FCHSD1: variants seen among roughly 807,000 people sequenced by gnomAD.
The protein encoded by FCHSD1 is F-BAR and double SH3 domains protein 1.
In FCHSD1, 109 loss-of-function variants were observed where a neutral mutation model predicts 101.3. That is an observed-to-expected ratio of 1.08 (90% CI 0.92 to 1.26). FCHSD1 has a LOEUF of 1.26. Ranked by LOEUF, FCHSD1 falls within the 50% of genes most tolerant of loss-of-function variation. The pLI is 0.00. For missense variants in FCHSD1, 820 were observed against 895.8 expected (o/e 0.92, Z 1.08); for synonymous variants, 291 against 356.8 (o/e 0.82, Z 2.08).
In FCHSD1 at chr5:141,640,155, C is replaced by G; in HGVS notation, c.*1343G>C. Reference sequence around the variant, plus strand: ...GAATGGAGGACTCAGGGACAGCAGCCTAACCCCTCGTGCACTTGAAGGGAA... The same window carrying G: ...GAATGGAGGACTCAGGGACAGCAGCGTAACCCCTCGTGCACTTGAAGGGAA... On this transcript the variant is annotated 3_prime_UTR_variant, in exon 20 of 20. Transcript: ENST00000435817. The G allele has an allele frequency of 1.9e-6, 3 of 1,614,166 alleles. No individual in the cohort carries two copies. Among genetic ancestry groups the G allele is most frequent in the Non-Finnish European group, 2.5e-6 (3 of 1,180,008 alleles).
At chr5:141,648,321 C>A (rs251041) in intron 7 of FCHSD1, among the ~76,000 whole-genome samples, 1 of 152,098 alleles carries the variant, frequency 6.6e-6, no homozygotes, top group Non-Finnish European at 1.5e-5. Context: ...TGGTCCACCA[C>A]GTTCAATATG....
chr5:141,642,564 C>T, intron 18 of FCHSD1: 1 of 540,958 alleles, frequency 1.8e-6, no homozygotes. Flanking sequence ...AAGTGGGCAT[C>T]AGAAAAAATA....
In FCHSD1 at chr5:141,650,405, C is replaced by G. The variant is rs1170968337; in HGVS notation, c.120-1G>C. On this transcript the variant is annotated splice_acceptor_variant, in intron 2 of 19. Transcript: ENST00000435817. LOFTEE classifies it high-confidence loss of function. Reference sequence around the variant, plus strand: ...GGCTGCCCTCTGCTTGCTGTAGGATCTGCGGAGATTGCAGGTCGGGGGTGA... The same window carrying G: ...GGCTGCCCTCTGCTTGCTGTAGGATGTGCGGAGATTGCAGGTCGGGGGTGA... 1.2e-6 allele frequency: 2 copies of G among 1,613,872 alleles called. No individual in the cohort carries two copies. Among genetic ancestry groups the G allele is most frequent in the Admixed American group, 1.7e-5 (1 of 60,004 alleles).
chr5:141,639,924 C>T lies in FCHSD1; in HGVS notation c.*1574G>A, dbSNP rs199910418. On this transcript the variant is annotated 3_prime_UTR_variant, in exon 20 of 20. Coordinates refer to ENST00000435817, the MANE Select transcript of FCHSD1 (RefSeq NM_033449.3). The surrounding 1 kb of genome is among the most constrained non-coding windows in gnomAD (Gnocchi z 4.4). ...CAGTGTTCCCTCCCCTCCCAGGTTC[C>T]GGGTGACACACATTGAGAAGCGCTA... The T allele has an allele frequency of 8.1e-6, 13 of 1,613,918 alleles. No individual in the cohort carries two copies. Among genetic ancestry groups the T allele is most frequent in the South Asian group, 2.2e-5 (2 of 91,074 alleles).
rs958071851 is a variant in FCHSD1, at chr5:141,640,901, G to A, written c.*597C>T. ...CCTGCCCCGCCTTCCCCAACACCTC[G>A]CTCCATATGATAGAGCGTGGCAGCT... On this transcript the variant is annotated 3_prime_UTR_variant, in exon 20 of 20. Transcript: ENST00000435817. The A allele has an allele frequency of 3.8e-5, 22 of 579,346 alleles. No individual in the cohort carries two copies. The highest frequency in any genetic ancestry group is 1.1e-4 in the African/African-American group (6 of 53,524). The allele number at this position is 579,346 out of a possible 1,614,324, so 35.9% of individuals were successfully genotyped here.
Position 141,640,143 on chromosome 5 carries a change from A to T in FCHSD1, c.*1355T>A. 1 of 1,614,126 alleles carries T rather than the reference A, an allele frequency of 6.2e-7. No individual in the cohort carries two copies. The highest frequency in any genetic ancestry group is 2.2e-5 in the East Asian group (1 of 44,874). On this transcript the variant is annotated 3_prime_UTR_variant, in exon 20 of 20. Coordinates refer to ENST00000435817, the MANE Select transcript of FCHSD1 (RefSeq NM_033449.3). ...CCCCCCAGTACAGAATGGAGGACTC[A>T]GGGACAGCAGCCTAACCCCTCGTGC...
chr5:141,646,008 C>T (rs935255641), intron 12 of FCHSD1, 76 bp from the exon 13 acceptor site: 14 of 1,540,882 alleles, frequency 9.1e-6, no homozygotes, highest in African/African-American at 4.1e-5. Context: ...CTTCCTTCCT[C>T]CCACCATCAG....
intron 1 of FCHSD1, 84 bp from the exon 2 acceptor site, chr5:141,651,201 G>A (rs1289145558): frequency 2.1e-6 from 3 of 1,448,232 alleles, no homozygotes; most frequent in Non-Finnish European, 2.8e-6. Flanking sequence ...GGGCGGGGCC[G>A]GGGGGGTGCT....
chr5:141,651,233 C>T, intron 1 of FCHSD1, 115 bp downstream of exon 1: 13 of 1,521,846 alleles, frequency 8.5e-6, no homozygotes, highest in Non-Finnish European at 1.2e-5. Context: ...TCTGTTACTT[C>T]TGGTTTGGGG....
At chr5:141,647,719 C>T in intron 8 of FCHSD1, 199 bp from the exon 9 acceptor site, 1 of 982,594 alleles carries the variant, frequency 1.0e-6, no homozygotes, top group East Asian at 2.7e-5. Context: ...TTGAGCCCCA[C>T]TAGTGCTATA....
rs2099907401 is a variant in FCHSD1, at chr5:141,644,444, G to A, written c.1643-6C>T. On this transcript the variant is annotated splice_polypyrimidine_tract_variant and splice_region_variant and intron_variant, in intron 16 of 19. Coordinates refer to ENST00000435817, the MANE Select transcript of FCHSD1 (RefSeq NM_033449.3). ...CAGGGCCTGTGCCAGGAATGCTACA[G>A]AGGCCCAGGAGAGACGGTGAGAGGG... 1 of 1,612,382 alleles carries A rather than the reference G, an allele frequency of 6.2e-7. No individual in the cohort carries two copies. Among genetic ancestry groups the A allele is most frequent in the Non-Finnish European group, 8.5e-7 (1 of 1,178,744 alleles).
In FCHSD1 at chr5:141,649,445, C is replaced by T. The variant is rs1183942781; in HGVS notation, c.325G>A (p.Asp109Asn). 1 of 1,614,028 alleles carries T rather than the reference C, an allele frequency of 6.2e-7. No homozygotes were observed. The highest frequency in any genetic ancestry group is 1.3e-5 in the African/African-American group (1 of 75,064). Reference sequence around the variant, plus strand: ...CTCCGCCCTGTACCCCCTGCTAGGTCACGGTATCGGTCAGACGCCTGGAGT... The same window carrying T: ...CTCCGCCCTGTACCCCCTGCTAGGTTACGGTATCGGTCAGACGCCTGGAGT... The part of the protein sequence containing the change: ...TRLQASDRYR[D>N]LAGGTGRSAK... Residue 109 changes from aspartate to asparagine, a missense_variant, in exon 5 of 20, where the codon GAC becomes AAC. By Grantham distance (23) the Asp-to-Asn change is conservative. Coordinates refer to ENST00000435817, the MANE Select transcript of FCHSD1 (RefSeq NM_033449.3). The surrounding 1 kb of genome is among the most constrained non-coding windows in gnomAD (Gnocchi z 4.1).
At position 141,641,338 on chromosome 5, in the gene FCHSD1, T is replaced by A. The variant is rs372926038; in HGVS notation, c.*160A>T. Reference sequence around the variant, plus strand: ...GGGAAAAAAAGGAGTGGGTTCCAGCTCTAGAAATGGGAAGGGGCAAGTTTC... The same window carrying A: ...GGGAAAAAAAGGAGTGGGTTCCAGCACTAGAAATGGGAAGGGGCAAGTTTC... On this transcript the variant is annotated 3_prime_UTR_variant, in exon 20 of 20. Transcript: ENST00000435817. 3 of 578,910 alleles carry A rather than the reference T, an allele frequency of 5.2e-6. No individual in the cohort carries two copies. The highest frequency in any genetic ancestry group is 4.8e-4 in the Middle Eastern group (1 of 2,086). 35.9% of individuals were successfully genotyped at this position (578,910 alleles called of 1,614,324 possible).
At chr5:141,647,559 C>A in intron 8 of FCHSD1, 39 bp from the exon 9 acceptor site, 1 of 1,605,250 alleles carries the variant, frequency 6.2e-7, no homozygotes, top group South Asian at 1.1e-5. Flanking sequence ...ACCCTTCCCC[C>A]AGACCTCTAC....
In FCHSD1 at chr5:141,639,446, C is replaced by T; in HGVS notation, c.*2052G>A. ...AAATGGAAATGTTACCCTCACTCCC[C>T]TCCTCCCTGCTGTCCAGTGTGGATG... On this transcript the variant is annotated 3_prime_UTR_variant, in exon 20 of 20. Transcript: ENST00000435817. This position sits in a 1 kb window ranked among gnomAD's most constrained non-coding sequence, Gnocchi z 4.4. 1 of 1,582,714 alleles carries T rather than the reference C, an allele frequency of 6.3e-7. No individual in the cohort carries two copies. The highest frequency in any genetic ancestry group is 8.6e-7 in the Non-Finnish European group (1 of 1,160,862).
chr5:141,645,784 T>A lies in FCHSD1; in HGVS notation c.1298A>T (p.Asp433Val). 6.2e-7 allele frequency: 1 copy of A among 1,610,752 alleles called. No individual in the cohort carries two copies. ...GGAGGAGCTCACGGTTGGAGAGAGG[T>A]CCCTCTGGGACAGCCGAGCCTCACT... is the stretch of plus-strand genomic sequence containing the variant. The part of the protein sequence containing the change: ...RLSEARLSQR[D>V]LSPTAEDAEL... Residue 433 changes from aspartate (D) to valine (V), a missense_variant, in exon 13 of 20, where the codon GAC becomes GTC. Physicochemically the swap from Asp to Val is radical, Grantham distance 152. Transcript: ENST00000435817.
chr5:141,648,937 C>T lies in FCHSD1; in HGVS notation c.576+20G>A, dbSNP rs2099908014. The T allele has an allele frequency of 6.2e-7, 1 of 1,613,784 alleles. No homozygotes were observed. The highest frequency in any genetic ancestry group is 1.1e-5 in the South Asian group (1 of 91,090). Reference sequence around the variant, plus strand: ...TGCCTCCCTCTTCCCTGCCCCCACTCATGCCCTCATCCCTCGAACCTTGGT... The same window carrying T: ...TGCCTCCCTCTTCCCTGCCCCCACTTATGCCCTCATCCCTCGAACCTTGGT... On this transcript the variant is annotated intron_variant, in intron 7 of 19. Transcript: ENST00000435817.
rs1264690159 is a variant in FCHSD1 at position 141,651,349 on chromosome 5, T to A, written c.20A>T (p.Lys7Ile). 6.4e-7 allele frequency: 1 copy of A among 1,553,900 alleles called. No homozygotes were observed. Among genetic ancestry groups the A allele is most frequent in the Admixed American group, 1.9e-5 (1 of 51,630 alleles). The change falls in exon 1 of 20, where the codon AAA (lysine) becomes ATA (isoleucine). Residue 7 changes from lysine to isoleucine, a missense_variant and splice_region_variant. Coordinates refer to ENST00000435817, the MANE Select transcript of FCHSD1 (RefSeq NM_033449.3). MQPPPRKVKPAQEVKLR... is the reference protein window; with the variant it reads MQPPPRIVKPAQEVKLR... ...GTCCCCATTCAGGGCCAAGCTCACTTTTCGGGGCGGCGGCTGCATCTCCGC... is the reference window on the plus strand; with the variant it reads ...GTCCCCATTCAGGGCCAAGCTCACTATTCGGGGCGGCGGCTGCATCTCCGC...
chr5:141,650,206 A>G lies in FCHSD1; in HGVS notation c.165+153T>C, dbSNP rs566221202. On this transcript the variant is annotated intron_variant, in intron 3 of 19. Transcript: ENST00000435817. ...AAGGTTAAGTAACTTGTCCAAGGTC[A>G]CATGGCTATAATTACACAGCAGGGA... Among the ~76,000 whole-genome samples the G allele has an allele frequency of 5.9e-5, 9 of 152,346 alleles. No homozygotes were observed. In the East Asian group the frequency reaches 1.7e-3, roughly 29 times the overall value.
Sources: gnomAD v4.1 joint callset for allele counts (sites outside exome capture counted in the v4.1 genomes callset) on GRCh38, gnomAD v4.1.1 for gene constraint, Gnocchi (gnomAD v3.1) non-coding constraint, MANE v1.5 for transcripts, NCBI Gene and HGNC (gene_info 2026-07-23, HGNC 2026-07-21) for gene names.